The following CD3G variants were observed in gnomAD, a reference collection of about 807,000 sequenced individuals.
The protein encoded by CD3G is T-cell surface glycoprotein CD3 gamma chain.
A neutral mutation model predicts 28.3 loss-of-function variants in CD3G; 24 were observed. The observed-to-expected ratio is 0.85, with a 90% CI of 0.61 to 1.19. The LOEUF is 1.19. Among genes scored for constraint, CD3G ranks in the 50% most tolerant of loss-of-function variants. CD3G has a pLI of 0.00. For missense variants in CD3G, 211 were observed against 210.0 expected, an observed-to-expected ratio of 1.00 and a Z score of -0.03; for synonymous variants, 71 against 75.9, an observed-to-expected ratio of 0.93 and a Z score of 0.34.
intron 1 of CD3G, among the ~76,000 whole-genome samples, chr11:118,347,323 CT>C (rs1393587802): frequency 6.6e-5 from 10 of 152,338 alleles, no homozygotes; most frequent in Admixed American, 2.6e-4. Context: ...GATCCTCACC[CT>C]TGGACAAAAT....
intron 1 of CD3G, among the ~76,000 whole-genome samples, chr11:118,345,182 C>A (rs1948344227): frequency 6.6e-6 from 1 of 151,464 alleles, no homozygotes; most frequent in African/African-American, 2.4e-5. Flanking sequence ...AGTGAGGGCA[C>A]CAATTTTAAG....
intron 5 of CD3G, 67 bp downstream of exon 5, chr11:118,351,738 G>T (rs999601543): frequency 4.8e-6 from 7 of 1,463,856 alleles, no homozygotes; most frequent in African/African-American, 4.2e-5. Flanking sequence ...GGATTGAGGG[G>T]CATGTTATTT....
At chr11:118,345,503 G>A (rs1325750358) in intron 1 of CD3G, among the ~76,000 whole-genome samples, 2 of 152,192 alleles carry the variant, frequency 1.3e-5, no homozygotes, top group African/African-American at 2.4e-5. Context: ...AGCAAGTGTA[G>A]ACTATTCTTT....
rs1286881191 is a variant in CD3G at position 118,350,608 on chromosome 11, G to A, written c.364G>A (p.Glu122Lys). The change falls in exon 4 of 7, where the codon GAA becomes AAA. Residue 122 changes from glutamate (E) to lysine (K), a missense_variant. Physicochemically the swap from Glu to Lys is moderately conservative, Grantham distance 56. Coordinates refer to ENST00000532917, the MANE Select transcript of CD3G (RefSeq NM_000073.3). ...AATISGFLFA[E>K]IVSIFVLAVG... ...CACCATATCTGGCTTTCTCTTTGCTGAAATCGTCAGCATTTTCGTCCTTGC... is the reference window on the plus strand; with the variant it reads ...CACCATATCTGGCTTTCTCTTTGCTAAAATCGTCAGCATTTTCGTCCTTGC... The A allele has an allele frequency of 6.2e-7, 1 of 1,614,106 alleles. No homozygotes were observed. Among genetic ancestry groups the A allele is most frequent in the Admixed American group, 1.7e-5 (1 of 60,018 alleles).
intron 1 of CD3G, 101 bp downstream of exon 1, chr11:118,344,579 C>T (rs1380188922): frequency 9.9e-7 from 1 of 1,014,472 alleles, no homozygotes; most frequent in Non-Finnish European, 1.5e-6. Flanking sequence ...TTCAGCCTAC[C>T]TCTGCTGTCA....
At chr11:118,349,287 G>A (rs1191743545) in intron 2 of CD3G, 2 of 1,431,224 alleles carry the variant, frequency 1.4e-6, no homozygotes, top group South Asian at 1.4e-5. Flanking sequence ...CTAGTAGCTA[G>A]GGACACATCT....
Position 118,354,399 on chromosome 11 carries a change from T to G in CD3G, c.*1299T>G, listed in dbSNP as rs889971407. On this transcript the variant is annotated 3_prime_UTR_variant, in exon 7 of 7. Coordinates refer to ENST00000532917, the MANE Select transcript of CD3G (RefSeq NM_000073.3). ...CTCACTGCAACCTCCACCTCCTGGG[T>G]TCAAGCGATTCTCTTGCCTTGGCCT... 4 of 150,166 alleles carry G rather than the reference T, an allele frequency of 2.7e-5. No homozygotes were observed. In the Admixed American group the frequency reaches 2.7e-4, roughly 10 times the overall value. 9.3% of individuals were successfully genotyped at this position (150,166 alleles called of 1,614,324 possible).
chr11:118,350,027 G>C, intron 3 of CD3G, 57 bp downstream of exon 3: 1 of 1,387,656 alleles, frequency 7.2e-7, no homozygotes. Context: ...TGCTGTTCTG[G>C]TGAGCTTTTT....
chr11:118,354,839 A>T lies in CD3G; in HGVS notation c.*1739A>T, dbSNP rs190285696. On this transcript the variant is annotated 3_prime_UTR_variant, in exon 7 of 7. Transcript: ENST00000532917. ...GTTTGTCTTCTTACTATTGGGTTGC[A>T]TATGTTTTTGATATAAGTCCTTTAT... 1 of 152,182 alleles carries T rather than the reference A, an allele frequency of 6.6e-6. No individual in the cohort carries two copies. Among genetic ancestry groups the T allele is most frequent in the Non-Finnish European group, 1.5e-5 (1 of 68,004 alleles). 9.4% of individuals were successfully genotyped at this position (152,182 alleles called of 1,614,324 possible). A position where few individuals can be genotyped will look rare whatever the true frequency, so the allele number is the denominator to read the frequency against.
chr11:118,348,374 A>G (rs1948375197), intron 1 of CD3G, among the ~76,000 whole-genome samples: 3 of 151,984 alleles, frequency 2.0e-5, no homozygotes, highest in African/African-American at 4.8e-5. Flanking sequence ...TTCCTATTTC[A>G]GTTTTATTAA....
At chr11:118,348,970 G>A in intron 1 of CD3G, 57 bp from the exon 2 acceptor site, 1 of 1,583,368 alleles carries the variant, frequency 6.3e-7, no homozygotes, top group Non-Finnish European at 8.7e-7. Flanking sequence ...AAATACTTCA[G>A]GGCATCTGAA....
At chr11:118,346,199 C>T (rs1372815899) in intron 1 of CD3G, among the ~76,000 whole-genome samples, 5 of 151,928 alleles carry the variant, frequency 3.3e-5, no homozygotes, top group Non-Finnish European at 7.4e-5. Context: ...TTTGGGAGGT[C>T]GAGGCAGGTG....
intron 1 of CD3G, among the ~76,000 whole-genome samples, chr11:118,347,794 T>C (rs1452865663): frequency 6.6e-6 from 1 of 152,134 alleles, no homozygotes; most frequent in East Asian, 1.9e-4. Context: ...AATTTTTTTG[T>C]ATTGTCTGTA....
intron 1 of CD3G, among the ~76,000 whole-genome samples, chr11:118,347,060 G>A (rs1948363757): frequency 6.6e-6 from 1 of 152,146 alleles, no homozygotes; most frequent in East Asian, 1.9e-4. Context: ...ACTGGATACT[G>A]TTCAAAAATA....
chr11:118,351,267 A>G (rs918430696), intron 4 of CD3G, among the ~76,000 whole-genome samples: 2 of 152,150 alleles, frequency 1.3e-5, no homozygotes, highest in Admixed American at 1.3e-4. Flanking sequence ...CTCAAAAAAA[A>G]AATTCACAGA....
chr11:118,352,559 G>C, intron 6 of CD3G, 72 bp downstream of exon 6: 1 of 1,026,412 alleles, frequency 9.7e-7, no homozygotes. Flanking sequence ...TCTAAGTCTA[G>C]CTCCCTTCCC....
intron 4 of CD3G, 123 bp from the exon 5 acceptor site, chr11:118,351,505 T>C (rs2134071916): frequency 3.5e-6 from 3 of 856,760 alleles, no homozygotes; most frequent in Middle Eastern, 2.2e-4. Flanking sequence ...CATGTTTATG[T>C]GCTTTATCCA....
Position 118,350,338 on chromosome 11 carries a change from T to C in CD3G, c.308-214T>C, listed in dbSNP as rs73612302. On this transcript the variant is annotated intron_variant, in intron 3 of 6. Transcript: ENST00000532917. ...TCCTTCTGTTCCAGATACTTCCTGG[T>C]AGTTAGACTACATGGGCTTCCCCAG... 423 of 609,110 alleles carry C rather than the reference T, an allele frequency of 6.9e-4. 1 individual carries two copies. In the African/African-American group the frequency reaches 7.2e-3, roughly 10 times the overall value. The allele number at this position is 609,110 out of a possible 1,614,324, so 37.7% of individuals were successfully genotyped here. A position where few individuals can be genotyped will look rare whatever the true frequency, so the allele number is the denominator to read the frequency against.
At chr11:118,347,325 T>C (rs1948366119) in intron 1 of CD3G, among the ~76,000 whole-genome samples, 1 of 152,204 alleles carries the variant, frequency 6.6e-6, no homozygotes, top group African/African-American at 2.4e-5. Flanking sequence ...TCCTCACCCT[T>C]GGACAAAATT....
Sources: allele counts gnomAD v4.1 joint callset (sites outside exome capture counted in the v4.1 genomes callset), GRCh38; gene constraint gnomAD v4.1.1; transcripts MANE v1.5; gene names NCBI Gene and HGNC (gene_info 2026-07-23, HGNC 2026-07-21).